The following PLCB1 variants were observed in gnomAD, a reference collection of about 807,000 sequenced individuals.
PLCB1 encodes 1-phosphatidylinositol 4,5-bisphosphate phosphodiesterase beta-1.
A neutral mutation model predicts 161.8 loss-of-function variants in PLCB1; 46 were observed. The observed-to-expected ratio is 0.28, with a 90% confidence interval of 0.22 to 0.36. The LOEUF (loss-of-function observed/expected upper bound fraction) is 0.36. PLCB1 is among the 10% of genes least tolerant of loss of function. The pLI, the probability that PLCB1 is intolerant of heterozygous loss-of-function variation, is 1.00. For synonymous variants in PLCB1, 517 were observed against 503.7 expected (o/e 1.03, Z -0.35); for missense variants, 1,016 against 1,472.5 (o/e 0.69, Z 5.07).
intron 10 of PLCB1, among the ~76,000 whole-genome samples, chr20:8,693,905 G>T (rs1439516404): frequency 6.6e-6 from 1 of 152,184 alleles, no homozygotes; most frequent in Admixed American, 6.5e-5. Context: ...AGGAGCTTCA[G>T]CTCCCAAGTT....
intron 7 of PLCB1, chr20:8,651,479 C>A (rs200133235): frequency 4.3e-5 from 31 of 724,898 alleles, no homozygotes; most frequent in Admixed American, 2.5e-4. Flanking sequence ...AAAACATTTT[C>A]ACCTTCATTT....
At chr20:8,818,396 T>A (rs1190675197) in intron 31 of PLCB1, among the ~76,000 whole-genome samples, 1 of 152,222 alleles carries the variant, frequency 6.6e-6, no homozygotes, top group Admixed American at 6.5e-5. Context: ...TATCTCCATA[T>A]GCTAGTCAGA....
chr20:8,149,389 C>T (rs1030938345), intron 1 of PLCB1, among the ~76,000 whole-genome samples: 1 of 152,132 alleles, frequency 6.6e-6, no homozygotes, highest in Non-Finnish European at 1.5e-5. Flanking sequence ...TAAAATCATT[C>T]ATACTGCTCT....
At chr20:8,455,729 T>C (rs576650549) in intron 3 of PLCB1, among the ~76,000 whole-genome samples, 1 of 152,268 alleles carries the variant, frequency 6.6e-6, no homozygotes, top group South Asian at 2.1e-4. Context: ...TCTTTTTTAG[T>C]TCTGTGGCTG....
chr20:8,207,702 T>C (rs6133554), intron 2 of PLCB1, among the ~76,000 whole-genome samples: 1 of 152,220 alleles, frequency 6.6e-6, no homozygotes, highest in East Asian at 1.9e-4. Context: ...CACCTCAGAC[T>C]CCTGAGTAGC....
At chr20:8,139,404 C>CT (rs1483924528) in intron 1 of PLCB1, among the ~76,000 whole-genome samples, 1 of 151,852 alleles carries the variant, frequency 6.6e-6, no homozygotes, top group East Asian at 1.9e-4. Flanking sequence ...CCTTCAAGGG[C>CT]TTTTTTTGTT....
At chr20:8,398,805 C>T (rs962054663) in intron 3 of PLCB1, among the ~76,000 whole-genome samples, 31 of 151,510 alleles carry the variant, frequency 2.0e-4, no homozygotes, top group Middle Eastern at 6.8e-3. Context: ...TTTTTTTCTC[C>T]CCTTGGTTTT....
intron 2 of PLCB1, among the ~76,000 whole-genome samples, chr20:8,158,492 C>A (rs113933204): frequency 7.2e-5 from 11 of 152,266 alleles, no homozygotes; most frequent in African/African-American, 2.2e-4. Flanking sequence ...CAAACCATAT[C>A]ATTCTGCCCC....
At chr20:8,422,751 C>T (rs1979592892) in intron 3 of PLCB1, among the ~76,000 whole-genome samples, 1 of 152,030 alleles carries the variant, frequency 6.6e-6, no homozygotes, top group Admixed American at 6.6e-5. Flanking sequence ...GGCTGGGTTC[C>T]AGTGACTTCA....
intron 2 of PLCB1, among the ~76,000 whole-genome samples, chr20:8,250,145 G>A (rs1282573596): frequency 6.6e-6 from 1 of 151,814 alleles, no homozygotes; most frequent in African/African-American, 2.4e-5. Flanking sequence ...GAAAAACTGG[G>A]ATTTAAGCTT....
At chr20:8,649,642 C>G in intron 7 of PLCB1, 193 bp downstream of exon 7, 1 of 565,310 alleles carries the variant, frequency 1.8e-6, no homozygotes, top group South Asian at 2.3e-5. Context: ...AAGAGAAAAA[C>G]AGACCTGAGC....
Position 8,311,523 on chromosome 20 carries a change from G to A in PLCB1, c.178-59859G>A, listed in dbSNP as rs533980846. Among the ~76,000 whole-genome samples, 16 of 152,256 alleles carry A rather than the reference G, an allele frequency of 1.1e-4. No homozygotes were observed. The East Asian group carries it at 2.5e-3, about 24-fold the overall frequency. On this transcript the variant is annotated intron_variant, in intron 2 of 31. Coordinates refer to ENST00000338037, the MANE Select transcript of PLCB1 (RefSeq NM_015192.4). ...TTGATCCATCTTCCTTTTTAGAAAC[G>A]AGAGAAAAGGCATCTGTGATTGTGC...
At chr20:8,859,881 T>C (rs1987197530) in intron 31 of PLCB1, among the ~76,000 whole-genome samples, 1 of 152,184 alleles carries the variant, frequency 6.6e-6, no homozygotes, top group Non-Finnish European at 1.5e-5. Flanking sequence ...CTACCTACCA[T>C]GATAATACAT....
At position 8,684,993 on chromosome 20, in the gene PLCB1, A is replaced by G. The variant is rs6056003; in HGVS notation, c.924A>G (p.Ser308=). 2.6e-3 allele frequency: 4,258 copies of G among 1,613,464 alleles called. 83 individuals are homozygous for G. In the African/African-American group the frequency reaches 0.048, roughly 18 times the overall value. Reference sequence around the variant, plus strand: ...GTGGAGAAGAAAACGGAGTCGTTTCACCTGAGAAACTGGATTTGAATGAAG... The same window carrying G: ...GTGGAGAAGAAAACGGAGTCGTTTCGCCTGAGAAACTGGATTTGAATGAAG... ...YLSGEENGVV[S]PEKLDLNEDM... Residue 308 remains serine, a synonymous_variant, in exon 10 of 32, where the codon TCA becomes TCG. Transcript: ENST00000338037.
intron 2 of PLCB1, among the ~76,000 whole-genome samples, chr20:8,231,941 A>G (rs1174863439): frequency 6.6e-6 from 1 of 152,160 alleles, no homozygotes; most frequent in Non-Finnish European, 1.5e-5. Context: ...GCTCTATCTT[A>G]TGTAACTATT....
intron 23 of PLCB1, among the ~76,000 whole-genome samples, chr20:8,747,898 G>A (rs968290981): frequency 4.6e-5 from 7 of 151,978 alleles, no homozygotes; most frequent in Admixed American, 1.3e-4. Context: ...AAAATCCAAG[G>A]TAGTGCTTTT....
chr20:8,753,495 T>G (rs576723138), intron 23 of PLCB1, among the ~76,000 whole-genome samples: 1 of 152,256 alleles, frequency 6.6e-6, no homozygotes, highest in South Asian at 2.1e-4. Context: ...GTGTTTAATG[T>G]CCTCATTACT....
chr20:8,414,648 A>G (rs1979193977), intron 3 of PLCB1, among the ~76,000 whole-genome samples: 1 of 152,220 alleles, frequency 6.6e-6, no homozygotes, highest in Non-Finnish European at 1.5e-5. Context: ...TTAATCTAAT[A>G]TTCTATCCAA....
chr20:8,210,046 C>T (rs987332581), intron 2 of PLCB1, among the ~76,000 whole-genome samples: 8 of 151,822 alleles, frequency 5.3e-5, no homozygotes, highest in African/African-American at 1.5e-4. Context: ...TTATGTTGTC[C>T]GGGCTTGTCT....
Sources: allele counts gnomAD v4.1 joint callset (sites outside exome capture counted in the v4.1 genomes callset), GRCh38; gene constraint gnomAD v4.1.1; transcripts MANE v1.5; gene names NCBI Gene and HGNC (gene_info 2026-07-23, HGNC 2026-07-21).